Variants in ATP9B observed in about 807,000 individuals in gnomAD.
ATP9B encodes ATPase phospholipid transporting 9B, also known as probable phospholipid-transporting ATPase IIB.
Under a neutral mutation model 146.1 loss-of-function variants are expected in ATP9B, and 110 were observed. That is an observed-to-expected ratio of 0.75 (90% CI 0.65 to 0.88). ATP9B has a LOEUF of 0.88. ATP9B is among the 40% of genes least tolerant of loss of function. The probability of loss-of-function intolerance (pLI) is 0.00; values close to 1 mark genes in which losing one functional copy is unlikely to be tolerated. For synonymous variants in ATP9B, 604 were observed against 569.7 expected (o/e 1.06, Z -0.86); for missense variants, 1,499 against 1,496.4 (o/e 1.00, Z -0.03).
At chr18:79,332,306 G>C (rs1436441163) in intron 17 of ATP9B, among the ~76,000 whole-genome samples, 1 of 152,198 alleles carries the variant, frequency 6.6e-6, no homozygotes. Context: ...GCGGGCGCCT[G>C]TAGTCCCAGC....
chr18:79,121,895 A>C (rs2094195921), intron 4 of ATP9B, among the ~76,000 whole-genome samples: 2 of 152,272 alleles, frequency 1.3e-5, no homozygotes, highest in Admixed American at 1.3e-4. Flanking sequence ...CTTCATTTGA[A>C]GTGGGAGCTT....
At chr18:79,106,939 A>T (rs2075689299) in intron 2 of ATP9B, among the ~76,000 whole-genome samples, 1 of 152,226 alleles carries the variant, frequency 6.6e-6, no homozygotes, top group African/African-American at 2.4e-5. Flanking sequence ...GAACATGTTA[A>T]TATCAGATAA....
chr18:79,150,243 G>A (rs183920757), intron 6 of ATP9B, among the ~76,000 whole-genome samples: 11 of 151,940 alleles, frequency 7.2e-5, no homozygotes, highest in South Asian at 6.3e-4. Context: ...GTGAAGAAGC[G>A]GATCACTTGT....
chr18:79,167,637 T>A (rs1282189716), intron 7 of ATP9B, among the ~76,000 whole-genome samples: 8 of 152,234 alleles, frequency 5.3e-5, no homozygotes, highest in South Asian at 2.1e-4. Flanking sequence ...TCGCTTTTTT[T>A]ATGAACTTAG....
chr18:79,242,071 T>C (rs1032033327), intron 11 of ATP9B, among the ~76,000 whole-genome samples: 33 of 152,208 alleles, frequency 2.2e-4, no homozygotes, highest in African/African-American at 7.7e-4. Context: ...TTTCAGCCAG[T>C]TTTTATTTTA....
At chr18:79,079,558 A>T (rs2073019625) in intron 1 of ATP9B, among the ~76,000 whole-genome samples, 1 of 152,136 alleles carries the variant, frequency 6.6e-6, no homozygotes, top group Non-Finnish European at 1.5e-5. Flanking sequence ...CCTTTGTCAG[A>T]TGGATAGATT....
At chr18:79,252,669 C>T (rs1264699262) in intron 11 of ATP9B, among the ~76,000 whole-genome samples, 1 of 152,156 alleles carries the variant, frequency 6.6e-6, no homozygotes, top group African/African-American at 2.4e-5. Context: ...ATAATTTGCC[C>T]TCACAGTTTG....
At position 79,269,623 on chromosome 18, in the gene ATP9B, G is replaced by A. The variant is rs118027095; in HGVS notation, c.1269-7431G>A. Among the ~76,000 whole-genome samples the A allele has an allele frequency of 2.1e-4, 32 of 152,296 alleles. No homozygotes were observed. The East Asian group carries it at 6.2e-3, about 29-fold the overall frequency. On this transcript the variant is annotated intron_variant, in intron 12 of 29. Coordinates refer to ENST00000426216, the MANE Select transcript of ATP9B (RefSeq NM_198531.5). The stretch of plus-strand genomic sequence containing the variant: ...GGTGTCTTGTTTTGCTCTGTGTTAT[G>A]TGGTAGTGTTTGTTGTTACGGTGTT...
Position 79,298,980 on chromosome 18 carries a change from C to G in ATP9B, c.1412-4624C>G, listed in dbSNP as rs958368734. Among the ~76,000 whole-genome samples, 7 of 112,778 alleles carry G rather than the reference C, an allele frequency of 6.2e-5. 1 individual carries two copies. The highest frequency in any genetic ancestry group is 2.2e-4 in the African/African-American group (7 of 31,780). 74.0% of individuals were successfully genotyped at this position (112,778 alleles called of 152,430 possible). A position where few individuals can be genotyped will look rare whatever the true frequency, so the allele number is the denominator to read the frequency against. Reference sequence around the variant, plus strand: ...GCTCTTCGAGGTCTTGGATCCGGAGCCTCCACATTCAGTTCCCAAGTCCAG... The same window carrying G: ...GCTCTTCGAGGTCTTGGATCCGGAGGCTCCACATTCAGTTCCCAAGTCCAG... On this transcript the variant is annotated intron_variant, in intron 13 of 29. Transcript: ENST00000426216.
chr18:79,103,497 A>G lies in ATP9B; in HGVS notation c.293+6848A>G, dbSNP rs530063802. ...CCTCTGTGAAGAATAAGGAGGTGAC[A>G]CCTTTGGAAAGAGGATGTATTGGAA... On this transcript the variant is annotated intron_variant, in intron 2 of 29. Coordinates refer to ENST00000426216, the MANE Select transcript of ATP9B (RefSeq NM_198531.5). Among the ~76,000 whole-genome samples, 8 of 152,172 alleles carry G rather than the reference A, an allele frequency of 5.3e-5. No individual in the cohort carries two copies. The East Asian group carries it at 1.5e-3, about 29-fold the overall frequency.
intron 24 of ATP9B, 31 bp from the exon 25 acceptor site, chr18:79,348,101 A>G (rs1015454011): frequency 1.9e-6 from 3 of 1,612,974 alleles, no homozygotes; most frequent in Middle Eastern, 1.6e-4. Context: ...TGGAACTGAC[A>G]GTTGTCTTCG....
Position 79,376,435 on chromosome 18 carries a change from G to A in ATP9B, c.3308-812G>A, listed in dbSNP as rs1229373961. On this transcript the variant is annotated intron_variant, in intron 29 of 29. Coordinates refer to ENST00000426216, the MANE Select transcript of ATP9B (RefSeq NM_198531.5). ...ACGAAGTCTCACTCTTGTTACCCAGGCTGAAGTGCAGTGGCACAATCTTGG... is the reference window on the plus strand; with the variant it reads ...ACGAAGTCTCACTCTTGTTACCCAGACTGAAGTGCAGTGGCACAATCTTGG... 7.2e-6 allele frequency: 7 copies of A among 978,642 alleles called. 1 individual carries two copies. In the South Asian group the frequency reaches 3.3e-4, roughly 46 times the overall value. The allele number at this position is 978,642 out of a possible 1,614,324, so 60.6% of individuals were successfully genotyped here. A position where few individuals can be genotyped will look rare whatever the true frequency, so the allele number is the denominator to read the frequency against.
intron 20 of ATP9B, among the ~76,000 whole-genome samples, chr18:79,343,332 A>G (rs373441226): frequency 6.6e-6 from 1 of 152,182 alleles, no homozygotes; most frequent in African/African-American, 2.4e-5. Flanking sequence ...TTTGAACCAC[A>G]TGAAGCTTTT....
chr18:79,336,523 A>G (rs1261653177), intron 17 of ATP9B, 105 bp from the exon 18 acceptor site: 1 of 998,174 alleles, frequency 1.0e-6, no homozygotes, highest in Non-Finnish European at 1.5e-6. Flanking sequence ...GGCACAGGAC[A>G]TGAGGGCAGG....
At chr18:79,102,452 A>G (rs1369206439) in intron 2 of ATP9B, among the ~76,000 whole-genome samples, 1 of 152,112 alleles carries the variant, frequency 6.6e-6, no homozygotes, top group African/African-American at 2.4e-5. Context: ...ATTGTACATG[A>G]GCGGAGCTGT....
chr18:79,330,568 A>C (rs1165470577), intron 17 of ATP9B, among the ~76,000 whole-genome samples: 2 of 152,068 alleles, frequency 1.3e-5, no homozygotes, highest in Non-Finnish European at 2.9e-5. Context: ...ACCCGCCACC[A>C]TGCCTGACTA....
rs192630310 is a variant in ATP9B, at chr18:79,095,554, G to A, written c.120-922G>A. 4.6e-5 allele frequency: 7 copies of A among 152,210 alleles called. No homozygotes were observed. The East Asian group carries it at 1.4e-3, about 29-fold the overall frequency. 9.4% of individuals were successfully genotyped at this position (152,210 alleles called of 1,614,324 possible). On this transcript the variant is annotated intron_variant, in intron 1 of 29. Coordinates refer to ENST00000426216, the MANE Select transcript of ATP9B (RefSeq NM_198531.5). ...ATTTATGTTTTAATAGTGGGTTTTG[G>A]TTAGTTTTAGCTGTCTTCTATATGG...
intron 20 of ATP9B, 78 bp from the exon 21 acceptor site, chr18:79,344,187 G>T: frequency 7.7e-7 from 1 of 1,305,852 alleles, no homozygotes; most frequent in South Asian, 1.2e-5. Flanking sequence ...CTGTGACTCT[G>T]CAAATAATGC....
intron 13 of ATP9B, among the ~76,000 whole-genome samples, chr18:79,302,296 G>A (rs1259172053): frequency 1.3e-5 from 2 of 152,076 alleles, no homozygotes; most frequent in Non-Finnish European, 2.9e-5. Context: ...CCTCCCCGGG[G>A]ACAAGGTGAA....
Sources: gnomAD v4.1 joint callset for allele counts (sites outside exome capture counted in the v4.1 genomes callset) on GRCh38, gnomAD v4.1.1 for gene constraint, MANE v1.5 for transcripts, NCBI Gene and HGNC (gene_info 2026-07-23, HGNC 2026-07-21) for gene names.